The following C13orf46 variants were observed in gnomAD, a reference collection of about 807,000 sequenced individuals.
The protein encoded by C13orf46 is uncharacterized protein C13orf46.
chr13:113,935,263 C>T, the C13orf46 span, among the ~76,000 whole-genome samples: 2 of 152,246 alleles, frequency 1.3e-5, no homozygotes, highest in Non-Finnish European at 2.9e-5. Flanking sequence ...TTCAGCTCCT[C>T]AGGGAGAGGT....
At chr13:113,945,616 GAAAGAAAGAAAGA>G in the C13orf46 span, among the ~76,000 whole-genome samples, 2 of 107,684 alleles carry the variant, frequency 1.9e-5, no homozygotes, top group African/African-American at 3.5e-5. Flanking sequence ...AAGAAAGAAA[GAAAGAAAGAAAGA>G]AAGAAAGAAA....
chr13:113,972,827 C>T lies in C13orf46; in HGVS notation c.190+981G>A, dbSNP rs137947644. Among the ~76,000 whole-genome samples, 711 of 152,310 alleles carry T rather than the reference C, an allele frequency of 4.7e-3. 5 individuals are homozygous for T. The highest frequency in any genetic ancestry group is 0.016 in the African/African-American group (667 of 41,572). ...GCCTGGCTATGATCCTCCCTTCAGG[C>T]ATCGGCTGGCTTCGGAGGCCCATGA... On this transcript the variant is annotated intron_variant, in intron 1 of 6. Coordinates refer to ENST00000636427, the MANE Select transcript of C13orf46 (RefSeq NM_001365455.2).
chr13:113,939,666 C>T, the C13orf46 span, among the ~76,000 whole-genome samples: 15 of 152,298 alleles, frequency 9.8e-5, no homozygotes, highest in African/African-American at 2.9e-4. Flanking sequence ...GGCACAGACC[C>T]GTTTCTCACC....
At chr13:113,972,602 C>T (rs1332033014) in intron 1 of C13orf46, among the ~76,000 whole-genome samples, 1 of 152,208 alleles carries the variant, frequency 6.6e-6, no homozygotes, top group African/African-American at 2.4e-5. Flanking sequence ...CATCCCCAGG[C>T]CCACACCACC....
At chr13:113,945,579 G>GAAAGAA in the C13orf46 span, among the ~76,000 whole-genome samples, 6 of 103,612 alleles carry the variant, frequency 5.8e-5, no homozygotes, top group East Asian at 2.8e-4. Flanking sequence ...GAAAGAAAGA[G>GAAAGAA]AGAGAGAGAG....
At chr13:113,948,481 A>G in the C13orf46 span, among the ~76,000 whole-genome samples, 3 of 152,230 alleles carry the variant, frequency 2.0e-5, no homozygotes, top group South Asian at 6.2e-4. Flanking sequence ...GTGTGAGCAC[A>G]CCGAAGCCCA....
chr13:113,938,321 G>A, the C13orf46 span, among the ~76,000 whole-genome samples: 1 of 152,198 alleles, frequency 6.6e-6, no homozygotes, highest in Non-Finnish European at 1.5e-5. Context: ...TTATCTTACA[G>A]TCCTGGAGGG....
At chr13:113,934,023 A>C in the C13orf46 span, among the ~76,000 whole-genome samples, 1 of 152,162 alleles carries the variant, frequency 6.6e-6, no homozygotes, top group Non-Finnish European at 1.5e-5. Context: ...TTCGAGATGC[A>C]TGACCGTCCA....
chr13:113,945,608 G>GAAAGAAAGAA, the C13orf46 span, among the ~76,000 whole-genome samples: 1 of 57,380 alleles, frequency 1.7e-5, no homozygotes, highest in South Asian at 7.5e-4. Context: ...AAAGAAAGAA[G>GAAAGAAAGAA]AAAGAAAGAA....
chr13:113,930,680 C>G, the C13orf46 span, among the ~76,000 whole-genome samples: 1,237 of 152,322 alleles, frequency 8.1e-3, 14 homozygotes, highest in East Asian at 0.049. Flanking sequence ...CCATCCAGAC[C>G]ACACTCCCAT....
intron 4 of C13orf46, among the ~76,000 whole-genome samples, chr13:113,967,738 C>T (rs2052664281): frequency 6.6e-6 from 1 of 152,192 alleles, no homozygotes; most frequent in Non-Finnish European, 1.5e-5. Context: ...GGGCAATGCC[C>T]AGATCTTGGG....
At chr13:113,941,488 G>A in the C13orf46 span, among the ~76,000 whole-genome samples, 42 of 150,302 alleles carry the variant, frequency 2.8e-4, no homozygotes, top group African/African-American at 9.3e-4. Flanking sequence ...CCATGTGTGA[G>A]GCTGAGCGTT....
chr13:113,965,690 T>C (rs1255576868), intron 5 of C13orf46, among the ~76,000 whole-genome samples: 2 of 151,978 alleles, frequency 1.3e-5, no homozygotes, highest in Non-Finnish European at 2.9e-5. Flanking sequence ...GTGATGATGA[T>C]GGTGACAATG....
At chr13:113,958,744 G>A (rs2052563075) in intron 6 of C13orf46, among the ~76,000 whole-genome samples, 1 of 151,980 alleles carries the variant, frequency 6.6e-6, no homozygotes, top group Admixed American at 6.5e-5. Context: ...GGCAATCATC[G>A]TGCCCATGAA....
chr13:113,947,629 T>C, the C13orf46 span, among the ~76,000 whole-genome samples: 1 of 152,078 alleles, frequency 6.6e-6, no homozygotes, highest in Non-Finnish European at 1.5e-5. Context: ...CAAGGCTTGG[T>C]TGGTTCTTGG....
At chr13:113,965,685 G>A (rs1258184330) in intron 5 of C13orf46, among the ~76,000 whole-genome samples, 3 of 152,118 alleles carry the variant, frequency 2.0e-5, no homozygotes. Flanking sequence ...TGATGGTGAT[G>A]ATGATGGTGA....
At position 113,954,998 on chromosome 13, in the gene C13orf46, AGAGAGGAGGAGTAGGATCTGGCG is replaced by A. The variant is rs2052511350; in HGVS notation, c.*1752_*1774del. 63 of 84,576 alleles carry A rather than the reference AGAGAGGAGGAGTAGGATCTGGCG, an allele frequency of 7.4e-4. 2 individuals are homozygous for A. Among genetic ancestry groups the A allele is most frequent in the East Asian group, 3.9e-3 (5 of 1,296 alleles). The allele number at this position is 84,576 out of a possible 1,614,324, so 5.2% of individuals were successfully genotyped here. ...GCGGAGACGAGGAGGAGGATCTGGC[AGAGAGGAGGAGTAGGATCTGGCG>A]GAGAGGAGGAGTAGGATCTGGCGGA... On this transcript the variant is annotated 3_prime_UTR_variant, in exon 7 of 7. Transcript: ENST00000636427.
chr13:113,934,970 T>C, the C13orf46 span, among the ~76,000 whole-genome samples: 1 of 152,230 alleles, frequency 6.6e-6, no homozygotes. Flanking sequence ...GGGAGCTGAC[T>C]GGCTACAGGG....
chr13:113,943,620 G>A, the C13orf46 span, among the ~76,000 whole-genome samples: 3 of 152,186 alleles, frequency 2.0e-5, no homozygotes, highest in African/African-American at 7.2e-5. Context: ...TCTGACCCCC[G>A]TTCCCGTCAT....
Sources: gnomAD v4.1 joint callset for allele counts (sites outside exome capture counted in the v4.1 genomes callset) on GRCh38, gnomAD v4.1.1 for gene constraint, MANE v1.5 for transcripts, NCBI Gene and HGNC (gene_info 2026-07-23, HGNC 2026-07-21) for gene names.